The following NOL10 variants were observed in gnomAD, a reference collection of about 807,000 sequenced individuals.
NOL10 encodes the protein H_NH0074G24.1.
A neutral mutation model predicts 103.5 loss-of-function variants in NOL10; 58 were observed. The ratio of observed to expected loss-of-function variants is 0.56; its 90% CI spans 0.45 to 0.70. The LOEUF (loss-of-function observed/expected upper bound fraction) is 0.70. Ranked by LOEUF, NOL10 falls within the 30% of genes least tolerant of loss-of-function variation. The pLI is 0.00. For missense variants in NOL10, 763 were observed against 807.3 expected (o/e 0.95, Z 0.67); for synonymous variants, 287 against 282.5 (o/e 1.02, Z -0.16).
At chr2:10,577,425 A>C (rs1674510395) in intron 20 of NOL10, among the ~76,000 whole-genome samples, 1 of 152,186 alleles carries the variant, frequency 6.6e-6, no homozygotes, top group African/African-American at 2.4e-5. Flanking sequence ...CCCTTGGAAC[A>C]CCAGTGACAT....
intron 8 of NOL10, among the ~76,000 whole-genome samples, chr2:10,664,907 G>A (rs1353805486): frequency 6.9e-6 from 1 of 144,940 alleles, no homozygotes; most frequent in Non-Finnish European, 1.6e-5. Flanking sequence ...ATTATTAACA[G>A]TATTTACCTA....
chr2:10,674,988 A>T (rs893364508), intron 4 of NOL10, among the ~76,000 whole-genome samples: 4 of 152,218 alleles, frequency 2.6e-5, no homozygotes, highest in African/African-American at 9.6e-5. Context: ...AGGACGGCTG[A>T]GGCCAGGAGC....
intron 13 of NOL10, among the ~76,000 whole-genome samples, chr2:10,633,582 TCTGA>T (rs1046852363): frequency 2.8e-4 from 43 of 151,992 alleles, no homozygotes; most frequent in East Asian, 1.2e-3. Flanking sequence ...GGTTTAACAG[TCTGA>T]CTATTTGGTG....
intron 13 of NOL10, among the ~76,000 whole-genome samples, chr2:10,637,572 C>T (rs1678349667): frequency 6.6e-6 from 1 of 152,216 alleles, no homozygotes; most frequent in Non-Finnish European, 1.5e-5. Flanking sequence ...AGTGTGCTAC[C>T]TACTCAGCTG....
At chr2:10,669,335 C>A (rs1042933329) in intron 6 of NOL10, among the ~76,000 whole-genome samples, 9 of 151,174 alleles carry the variant, frequency 6.0e-5, no homozygotes, top group African/African-American at 2.2e-4. Context: ...GGTGATCTGC[C>A]CACCTCAGCC....
intron 12 of NOL10, among the ~76,000 whole-genome samples, chr2:10,653,177 A>G (rs890804729): frequency 1.2e-4 from 18 of 150,962 alleles, no homozygotes; most frequent in African/African-American, 4.4e-4. Context: ...CCTGGGTGAC[A>G]GAGCGAGACT....
chr2:10,663,765 C>G (rs1450617722), intron 8 of NOL10, among the ~76,000 whole-genome samples: 2 of 151,760 alleles, frequency 1.3e-5, no homozygotes, highest in Non-Finnish European at 2.9e-5. Flanking sequence ...CTGGCTAACA[C>G]AGTGAAACCC....
At chr2:10,612,637 G>A (rs1425288621) in intron 13 of NOL10, among the ~76,000 whole-genome samples, 1 of 151,980 alleles carries the variant, frequency 6.6e-6, no homozygotes, top group South Asian at 2.1e-4. Flanking sequence ...TGAGTAGCTG[G>A]GATTACAGGC....
intron 12 of NOL10, among the ~76,000 whole-genome samples, chr2:10,650,489 G>A (rs1024869758): frequency 6.6e-6 from 1 of 152,132 alleles, no homozygotes; most frequent in African/African-American, 2.4e-5. Flanking sequence ...TTAAATAAGT[G>A]TTTTGGGCGT....
chr2:10,617,956 A>C (rs1385284248), intron 13 of NOL10, among the ~76,000 whole-genome samples: 2 of 152,032 alleles, frequency 1.3e-5, no homozygotes, highest in Non-Finnish European at 2.9e-5. Context: ...AAAAACTGGC[A>C]TGGGGTTTCT....
At position 10,677,235 on chromosome 2, in the gene NOL10, G is replaced by A. The variant is rs188981244; in HGVS notation, c.212-1364C>T. 7.9e-5 allele frequency among the ~76,000 whole-genome samples: 12 copies of A among 152,106 alleles called. No homozygotes were observed. In the East Asian group the frequency reaches 2.3e-3, roughly 30 times the overall value. On this transcript the variant is annotated intron_variant, in intron 3 of 20. Transcript: ENST00000381685. The stretch of plus-strand genomic sequence containing the variant: ...ATTACAGGAGTTAGCCACCATGCCT[G>A]GCCTAACTTTGGCACTTTGTAAGGC...
At chr2:10,629,940 A>G (rs1037758753) in intron 13 of NOL10, among the ~76,000 whole-genome samples, 1 of 152,084 alleles carries the variant, frequency 6.6e-6, no homozygotes, top group Non-Finnish European at 1.5e-5. Flanking sequence ...AATGCATACC[A>G]CCATGCCCAG....
At chr2:10,641,940 A>C (rs1461503223) in intron 13 of NOL10, among the ~76,000 whole-genome samples, 1 of 152,172 alleles carries the variant, frequency 6.6e-6, no homozygotes, top group African/African-American at 2.4e-5. Context: ...CCTGCCCACT[A>C]GTTGATTCTA....
chr2:10,607,732 C>T (rs1044302417), intron 13 of NOL10, among the ~76,000 whole-genome samples: 11 of 115,508 alleles, frequency 9.5e-5, no homozygotes, highest in African/African-American at 3.4e-4. Context: ...AGAAAAATTA[C>T]CTTTTTAAAA....
At chr2:10,607,337 C>A in intron 13 of NOL10, 26 bp from the exon 14 acceptor site, 1 of 1,582,832 alleles carries the variant, frequency 6.3e-7, no homozygotes, top group Non-Finnish European at 8.6e-7. Context: ...AGAAGGTCAG[C>A]AAAGGCACAG....
At chr2:10,616,746 G>A (rs1039531592) in intron 13 of NOL10, among the ~76,000 whole-genome samples, 7 of 150,668 alleles carry the variant, frequency 4.6e-5, no homozygotes, top group African/African-American at 1.7e-4. Flanking sequence ...ATGTAGTTTC[G>A]CCATGTTGCC....
chr2:10,626,929 G>A (rs756792528), intron 13 of NOL10, among the ~76,000 whole-genome samples: 8 of 152,124 alleles, frequency 5.3e-5, no homozygotes, highest in East Asian at 1.9e-4. Flanking sequence ...TTGAAAATGC[G>A]ACAGGATGCT....
chr2:10,654,068 G>A (rs1679663279), intron 12 of NOL10, among the ~76,000 whole-genome samples: 1 of 152,078 alleles, frequency 6.6e-6, no homozygotes, highest in Non-Finnish European at 1.5e-5. Flanking sequence ...CAAAACCTAT[G>A]GCTTCATGAG....
At chr2:10,587,024 A>G (rs1390705512) in intron 19 of NOL10, among the ~76,000 whole-genome samples, 1 of 122,886 alleles carries the variant, frequency 8.1e-6, no homozygotes, top group African/African-American at 3.0e-5. Context: ...GTGAAAATAA[A>G]TAACACAAAA....
Sources: gnomAD v4.1 joint callset for allele counts (sites outside exome capture counted in the v4.1 genomes callset) on GRCh38, gnomAD v4.1.1 for gene constraint, MANE v1.5 for transcripts, NCBI Gene and HGNC (gene_info 2026-07-23, HGNC 2026-07-21) for gene names.